STK10: variants seen among roughly 807,000 people sequenced by gnomAD.
The protein encoded by STK10 is serine/threonine-protein kinase 10.
A neutral mutation model predicts 113.8 loss-of-function variants in STK10; 78 were observed. That is an observed-to-expected ratio of 0.69 (90% CI 0.57 to 0.83). The LOEUF (loss-of-function observed/expected upper bound fraction) is 0.83. STK10 is among the 40% of genes least tolerant of loss of function. The probability of loss-of-function intolerance (pLI) is 0.00; values close to 1 mark genes in which losing one functional copy is unlikely to be tolerated. For synonymous variants in STK10, 465 were observed against 494.7 expected (o/e 0.94, Z 0.80); for missense variants, 1,109 against 1,280.1 (o/e 0.87, Z 2.04).
chr5:172,116,777 A>G (rs1157820852), intron 4 of STK10, among the ~76,000 whole-genome samples: 1 of 152,122 alleles, frequency 6.6e-6, no homozygotes, highest in East Asian at 1.9e-4. Context: ...CTGAGGCAGG[A>G]GAATCACTTG....
At position 172,108,877 on chromosome 5, in the gene STK10, C is replaced by T. The variant is rs187149721; in HGVS notation, c.521-1025G>A. The stretch of plus-strand genomic sequence containing the variant: ...TTGGCTCACTGTAACCTCCACCTCC[C>T]GGGTTCCAGCGATTCTTGTGCCTCA... On this transcript the variant is annotated intron_variant, in intron 4 of 18. Transcript: ENST00000176763. 6.6e-5 allele frequency among the ~76,000 whole-genome samples: 10 copies of T among 152,012 alleles called. No homozygotes were observed. The East Asian group carries it at 1.8e-3, about 27-fold the overall frequency.
intron 1 of STK10, among the ~76,000 whole-genome samples, chr5:172,186,156 C>A (rs1370459070): frequency 1.3e-5 from 2 of 152,108 alleles, no homozygotes; most frequent in East Asian, 3.9e-4. Flanking sequence ...TGCCTGCAAT[C>A]CCAGCTACTT....
In STK10 at chr5:172,104,226, G is replaced by C. The variant is rs554276883; in HGVS notation, c.870+1430C>G. Reference sequence around the variant, plus strand: ...GACACGGCAGTGAAAGGGCAGCCCTGTTGCATCACCCAGGCCCATTCCTCC... The same window carrying C: ...GACACGGCAGTGAAAGGGCAGCCCTCTTGCATCACCCAGGCCCATTCCTCC... On this transcript the variant is annotated intron_variant, in intron 7 of 18. Coordinates refer to ENST00000176763, the MANE Select transcript of STK10 (RefSeq NM_005990.4). 3.7e-4 allele frequency among the ~76,000 whole-genome samples: 57 copies of C among 152,352 alleles called. 1 individual carries two copies. In the South Asian group the frequency reaches 0.011, roughly 30 times the overall value.
chr5:172,105,814 G>T, intron 6 of STK10, 77 bp from the exon 7 acceptor site: 1 of 1,303,146 alleles, frequency 7.7e-7, no homozygotes, highest in Non-Finnish European at 1.1e-6. Context: ...AGACTCCACT[G>T]TCCCAATCAT....
At chr5:172,168,545 C>T (rs1260159804) in intron 1 of STK10, among the ~76,000 whole-genome samples, 1 of 152,144 alleles carries the variant, frequency 6.6e-6, no homozygotes, top group Non-Finnish European at 1.5e-5. Flanking sequence ...AGGCCCAGGT[C>T]CTTGCGGGCT....
Position 172,070,271 on chromosome 5 carries a change from C to G in STK10, c.1990-5459G>C, listed in dbSNP as rs561510719. ...CTCAAAAAAATATATATCTATATAT[C>G]TATATATCTATATATATATGTTATT... is the stretch of plus-strand genomic sequence containing the variant. On this transcript the variant is annotated intron_variant, in intron 12 of 18. Transcript: ENST00000176763. Among the ~76,000 whole-genome samples, 4 of 150,090 alleles carry G rather than the reference C, an allele frequency of 2.7e-5. No homozygotes were observed. In the East Asian group the frequency reaches 7.8e-4, roughly 29 times the overall value.
intron 2 of STK10, among the ~76,000 whole-genome samples, chr5:172,148,982 T>TG (rs2113808821): frequency 6.6e-6 from 1 of 152,290 alleles, no homozygotes; most frequent in African/African-American, 2.4e-5. Flanking sequence ...GTCCAGTAGT[T>TG]GGAGACCAGC....
rs1313614864 is a variant in STK10 at position 172,120,818 on chromosome 5, C to G, written c.371-3188G>C. Among the ~76,000 whole-genome samples, 1 of 152,050 alleles carries G rather than the reference C, an allele frequency of 6.6e-6. No homozygotes were observed. Among genetic ancestry groups the G allele is most frequent in the Non-Finnish European group, 1.5e-5 (1 of 68,024 alleles). ...ATGTGTCTTGCTCATGTCTAATTTA[C>G]TGATATAAATGAAATAGGAATGACA... On this transcript the variant is annotated intron_variant, in intron 3 of 18. Transcript: ENST00000176763. The surrounding 1 kb of genome is among the most constrained non-coding windows in gnomAD (Gnocchi z 4.0).
At chr5:172,127,464 C>T (rs1352338393) in intron 2 of STK10, 43 bp from the exon 3 acceptor site, 2 of 1,609,094 alleles carry the variant, frequency 1.2e-6, no homozygotes, top group Admixed American at 1.7e-5. Flanking sequence ...TGGGGCTGCC[C>T]AGCCGTCGAG....
intron 3 of STK10, 120 bp from the exon 4 acceptor site, chr5:172,117,750 C>T (rs1769418982): frequency 7.2e-7 from 1 of 1,381,274 alleles, no homozygotes; most frequent in Admixed American, 2.3e-5. Context: ...CGTGGTGGCT[C>T]ACGCCTGTAA....
chr5:172,070,688 A>T (rs147758009), intron 12 of STK10, among the ~76,000 whole-genome samples: 161 of 152,228 alleles, frequency 1.1e-3, no homozygotes, highest in African/African-American at 3.4e-3. Flanking sequence ...TGGTTCTTTG[A>T]TAAGGTCAAT....
intron 2 of STK10, among the ~76,000 whole-genome samples, chr5:172,144,188 AC>A (rs1314338178): frequency 1.3e-5 from 2 of 152,248 alleles, no homozygotes; most frequent in African/African-American, 4.8e-5. Context: ...CTAATAAGTG[AC>A]AGAACCAGAG....
chr5:172,075,737 G>A (rs1253744259), intron 12 of STK10, among the ~76,000 whole-genome samples: 3 of 152,122 alleles, frequency 2.0e-5, no homozygotes, highest in South Asian at 2.1e-4. Flanking sequence ...GTGAGCACAC[G>A]AAAAGATACT....
intron 16 of STK10, among the ~76,000 whole-genome samples, chr5:172,055,135 A>AGGGCACGCATGGTGACTC (rs1482917101): frequency 1.3e-5 from 2 of 152,078 alleles, no homozygotes; most frequent in Non-Finnish European, 2.9e-5. Flanking sequence ...TGAAGCTTCC[A>AGGGCACGCATGGTGACTC]GGGCACGCAT....
At chr5:172,114,164 G>A (rs918661314) in intron 4 of STK10, among the ~76,000 whole-genome samples, 1 of 151,780 alleles carries the variant, frequency 6.6e-6, no homozygotes, top group Non-Finnish European at 1.5e-5. Flanking sequence ...CTTTTCTGCA[G>A]ACAAAAAAAG....
intron 12 of STK10, among the ~76,000 whole-genome samples, chr5:172,078,873 C>A (rs1167210182): frequency 2.0e-5 from 3 of 151,758 alleles, no homozygotes; most frequent in South Asian, 2.1e-4. Flanking sequence ...GTGAGGAGAT[C>A]TGTGGCTTCC....
intron 18 of STK10, among the ~76,000 whole-genome samples, chr5:172,048,414 T>TACACACACACACACACACACACACACAC (rs370301917): frequency 2.4e-4 from 31 of 128,482 alleles, no homozygotes; most frequent in Middle Eastern, 4.0e-3. Flanking sequence ...TCCCTCTCCC[T>TACACACACACACACACACACACACACAC]ACACACACAC....
intron 1 of STK10, among the ~76,000 whole-genome samples, chr5:172,157,599 G>A (rs1416942321): frequency 1.3e-5 from 2 of 151,736 alleles, no homozygotes; most frequent in Non-Finnish European, 2.9e-5. Flanking sequence ...AATTTTTTTT[G>A]TTGTTTTTTG....
intron 7 of STK10, among the ~76,000 whole-genome samples, chr5:172,098,870 C>G (rs1268223426): frequency 6.6e-6 from 1 of 151,814 alleles, no homozygotes; most frequent in South Asian, 2.1e-4. Context: ...ATCATCACCA[C>G]CACCACCATC....
Sources: allele counts gnomAD v4.1 joint callset (sites outside exome capture counted in the v4.1 genomes callset), GRCh38; gene constraint gnomAD v4.1.1; non-coding constraint Gnocchi (gnomAD v3.1); transcripts MANE v1.5; gene names NCBI Gene and HGNC (gene_info 2026-07-23, HGNC 2026-07-21).